The following NLRP14 variants were observed in gnomAD, a reference collection of about 807,000 sequenced individuals.
NLRP14 encodes the protein NACHT, LRR and PYD domains-containing protein 14.
Under a neutral mutation model 94.7 loss-of-function variants are expected in NLRP14, and 105 were observed. The observed-to-expected ratio is 1.11, with a 90% CI of 0.95 to 1.30. NLRP14 has a LOEUF of 1.30. Ranked by LOEUF, NLRP14 falls within the 50% of genes most tolerant of loss-of-function variation. The pLI, the probability that NLRP14 is intolerant of heterozygous loss-of-function variation, is 0.00. For missense variants in NLRP14, 1,362 were observed against 1,254.1 expected (o/e 1.09, Z -1.30); for synonymous variants, 508 against 459.9 (o/e 1.10, Z -1.34).
chr11:7,084,774 C>A, the NLRP14 span, among the ~76,000 whole-genome samples: 1 of 152,218 alleles, frequency 6.6e-6, no homozygotes, highest in African/African-American at 2.4e-5. Flanking sequence ...AGTAAATTAT[C>A]AAACCCAAGG....
At position 7,043,406 on chromosome 11, in the gene NLRP14, T is replaced by C; in HGVS notation, c.1380T>C (p.Phe460=). The C allele has an allele frequency of 1.2e-6, 2 of 1,614,180 alleles. No homozygotes were observed. Residue 460 remains phenylalanine (F), a synonymous_variant, in exon 4 of 12, where the codon TTT becomes TTC. Transcript: ENST00000299481. ...LGLTQSDVSS[F]MDSNIIQKDA... ...TAACTCAATCTGATGTCTCTAGTTT[T>C]ATGGACAGCAATATTATTCAGAAGG...
chr11:7,082,751 A>G, the NLRP14 span, among the ~76,000 whole-genome samples: 2 of 152,194 alleles, frequency 1.3e-5, no homozygotes, highest in African/African-American at 4.8e-5. Flanking sequence ...GTCTAATTGC[A>G]GGCAGCAATA....
In NLRP14 at chr11:7,022,300, C is replaced by A. The variant is rs539639587; in HGVS notation, c.-22+1530C>A. ...GGTCCTGGGAGCAGTCACCAGATGC[C>A]TAGAGATGTACCCAGGGTAGGAGTG... On this transcript the variant is annotated intron_variant, in intron 1 of 11. Transcript: ENST00000299481. Among the ~76,000 whole-genome samples the A allele has an allele frequency of 8.5e-5, 13 of 152,246 alleles. No individual in the cohort carries two copies. In the South Asian group the frequency reaches 2.3e-3, roughly 27 times the overall value.
At chr11:7,082,921 G>A in the NLRP14 span, among the ~76,000 whole-genome samples, 1 of 152,186 alleles carries the variant, frequency 6.6e-6, no homozygotes, top group African/African-American at 2.4e-5. Flanking sequence ...GACCCATCAG[G>A]CCTGTAGGAA....
At chr11:7,029,989 C>T (rs10769758) in intron 1 of NLRP14, among the ~76,000 whole-genome samples, 5 of 152,090 alleles carry the variant, frequency 3.3e-5, no homozygotes, top group South Asian at 2.1e-4. Context: ...TTGCCAATAA[C>T]GCTTAAAGTT....
intron 6 of NLRP14, among the ~76,000 whole-genome samples, chr11:7,051,433 C>T (rs569835138): frequency 6.6e-6 from 1 of 152,256 alleles, no homozygotes; most frequent in East Asian, 1.9e-4. Context: ...TGATGTTATA[C>T]TCTCTCTGTA....
Position 7,062,353 on chromosome 11 carries a change from C to T in NLRP14, c.2825C>T (p.Thr942Ile). The part of the protein sequence containing the change: ...QDLELMGCVL[T>I]NACCLDLASV... ...TACAGATTGATGGGCTGTGTTCTCA[C>T]TAATGCATGTTGTCTGGATCTGGCT... is the stretch of plus-strand genomic sequence containing the variant. The change falls in exon 10 of 12, where the codon ACT becomes ATT. Residue 942 changes from threonine (T) to isoleucine (I), a missense_variant. Coordinates refer to ENST00000299481, the MANE Select transcript of NLRP14 (RefSeq NM_176822.4). The T allele has an allele frequency of 6.2e-7, 1 of 1,612,862 alleles. No individual in the cohort carries two copies. The highest frequency in any genetic ancestry group is 1.1e-5 in the South Asian group (1 of 91,060).
At chr11:7,068,858 T>C (rs1460554192) in intron 10 of NLRP14, among the ~76,000 whole-genome samples, 1 of 152,106 alleles carries the variant, frequency 6.6e-6, no homozygotes, top group East Asian at 1.9e-4. Flanking sequence ...CTTGTTCTGT[T>C]ACCCAAGCTG....
chr11:7,050,269 C>T (rs1852422750), intron 6 of NLRP14, among the ~76,000 whole-genome samples: 1 of 152,126 alleles, frequency 6.6e-6, no homozygotes, highest in African/African-American at 2.4e-5. Flanking sequence ...GGTGACTCCC[C>T]CTCAATTTAG....
downstream of NLRP14, among the ~76,000 whole-genome samples, chr11:7,074,112 T>A (rs1248962831): frequency 6.6e-6 from 1 of 152,152 alleles, no homozygotes; most frequent in African/African-American, 2.4e-5. Context: ...ATTCACAAAG[T>A]TTTAGGACCT....
At chr11:7,055,978 GC>G (rs1370444323) in intron 6 of NLRP14, among the ~76,000 whole-genome samples, 1 of 151,938 alleles carries the variant, frequency 6.6e-6, no homozygotes, top group Non-Finnish European at 1.5e-5. Context: ...TGTTTTGCTG[GC>G]TTACATTTAG....
At chr11:7,082,082 G>A in the NLRP14 span, among the ~76,000 whole-genome samples, 1 of 152,092 alleles carries the variant, frequency 6.6e-6, no homozygotes, top group African/African-American at 2.4e-5. Context: ...AGTCTCCAAG[G>A]ATTTTAGAAG....
intron 1 of NLRP14, among the ~76,000 whole-genome samples, chr11:7,022,217 G>C (rs1307746430): frequency 2.0e-5 from 3 of 152,084 alleles, no homozygotes; most frequent in African/African-American, 7.2e-5. Flanking sequence ...GAAAATTATT[G>C]GTCATGGACC....
intron 10 of NLRP14, among the ~76,000 whole-genome samples, chr11:7,063,864 G>A (rs1396762210): frequency 6.6e-6 from 1 of 152,056 alleles, no homozygotes; most frequent in Non-Finnish European, 1.5e-5. Flanking sequence ...GGTCTTTTAT[G>A]CTTTAGAACC....
chr11:7,035,108 A>G (rs1852143081), intron 1 of NLRP14, among the ~76,000 whole-genome samples: 1 of 151,886 alleles, frequency 6.6e-6, no homozygotes, highest in African/African-American at 2.4e-5. Context: ...CATGGCCAAC[A>G]TGGTGAAACC....
intron 4 of NLRP14, 68 bp from the exon 5 acceptor site, chr11:7,046,600 C>A: frequency 1.4e-6 from 2 of 1,415,442 alleles, no homozygotes; most frequent in Non-Finnish European, 1.0e-6. Context: ...CCAATACTAT[C>A]CTCTGAGAGT....
chr11:7,040,008 C>G (rs1852224162), intron 3 of NLRP14, among the ~76,000 whole-genome samples: 1 of 152,118 alleles, frequency 6.6e-6, no homozygotes, highest in African/African-American at 2.4e-5. Context: ...GTTTAGAATG[C>G]CTGCTAAAAG....
At chr11:7,072,580 G>T (rs555795703), downstream of NLRP14, among the ~76,000 whole-genome samples, 7 of 152,146 alleles carry the variant, frequency 4.6e-5, no homozygotes, top group African/African-American at 1.7e-4. Context: ...CCTTGGGCGG[G>T]TTGTTGCTTG....
chr11:7,042,627 G>T lies in NLRP14; in HGVS notation c.601G>T (p.Ala201Ser). The T allele has an allele frequency of 6.2e-7, 1 of 1,614,128 alleles. No individual in the cohort carries two copies. Among genetic ancestry groups the T allele is most frequent in the Non-Finnish European group, 8.5e-7 (1 of 1,179,958 alleles). ...GGTGAGAAAGGCAATGTTAGATTGG[G>T]CAGAGGGCAGTCTCTACCAGCAGAG... ...TLVRKAMLDW[A>S]EGSLYQQRFK... Residue 201 changes from alanine (A) to serine (S), a missense_variant, in exon 4 of 12, where the codon GCA (alanine) becomes TCA (serine). Coordinates refer to ENST00000299481, the MANE Select transcript of NLRP14 (RefSeq NM_176822.4).
Sources: allele counts gnomAD v4.1 joint callset (sites outside exome capture counted in the v4.1 genomes callset), GRCh38; gene constraint gnomAD v4.1.1; transcripts MANE v1.5; gene names NCBI Gene and HGNC (gene_info 2026-07-23, HGNC 2026-07-21).